Variants in ABHD17B observed in about 807,000 individuals in gnomAD.
ABHD17B encodes alpha/beta hydrolase domain-containing protein 17B.
ABHD17B carries 9 observed loss-of-function variants against 26.2 expected under a neutral mutation model. The ratio of observed to expected loss-of-function variants is 0.34; its 90% CI spans 0.21 to 0.60. ABHD17B has a LOEUF of 0.60. Among genes scored for constraint, ABHD17B ranks in the 20% least tolerant of loss-of-function variants. The pLI is 0.80. For synonymous variants in ABHD17B, 127 were observed against 122.3 expected, an observed-to-expected ratio of 1.04 and a Z score of -0.25; for missense variants, 224 against 352.1, an observed-to-expected ratio of 0.64 and a Z score of 2.91.
chr9:71,894,404 G>C (rs1027780897), intron 1 of ABHD17B, among the ~76,000 whole-genome samples: 1 of 152,028 alleles, frequency 6.6e-6, no homozygotes, highest in East Asian at 1.9e-4. Flanking sequence ...GGAGTGCAGT[G>C]GCACCATTTG....
intron 1 of ABHD17B, among the ~76,000 whole-genome samples, chr9:71,900,787 C>T (rs1448127050): frequency 1.3e-5 from 2 of 152,060 alleles, no homozygotes; most frequent in African/African-American, 4.8e-5. Context: ...GCCTCTCTCA[C>T]TCACCATCTT....
downstream of ABHD17B, among the ~76,000 whole-genome samples, chr9:71,862,988 A>G (rs1290184574): frequency 3.9e-5 from 6 of 152,038 alleles, no homozygotes; most frequent in East Asian, 1.9e-4. Context: ...CACTACCTAT[A>G]TATTTATAGA....
intron 1 of ABHD17B, among the ~76,000 whole-genome samples, chr9:71,894,087 C>A (rs1826879424): frequency 1.9e-5 from 1 of 52,306 alleles, no homozygotes; most frequent in African/African-American, 8.6e-5. Context: ...GACTCTATCT[C>A]AAAAAAAAAA....
chr9:71,873,647 T>C (rs774879531), intron 2 of ABHD17B, among the ~76,000 whole-genome samples: 1 of 151,886 alleles, frequency 6.6e-6, no homozygotes, highest in Non-Finnish European at 1.5e-5. Context: ...CTACCTGCCT[T>C]AGCCTCCCAA....
chr9:71,898,883 G>C (rs569247942), intron 1 of ABHD17B, among the ~76,000 whole-genome samples: 1 of 152,276 alleles, frequency 6.6e-6, no homozygotes, highest in Non-Finnish European at 1.5e-5. Flanking sequence ...AGCACTTTGC[G>C]AGTCTGAGGT....
Position 71,866,026 on chromosome 9 carries a change from T to C in ABHD17B, c.*761A>G, listed in dbSNP as rs1472301696. 3.7e-5 allele frequency: 36 copies of C among 985,272 alleles called. No individual in the cohort carries two copies. The highest frequency in any genetic ancestry group is 4.2e-5 in the Non-Finnish European group (35 of 829,920). 61.0% of individuals were successfully genotyped at this position (985,272 alleles called of 1,614,324 possible). ...ATTTAAAACATCGTATACAAAATCA[T>C]TCTTGAAATCTCTAAATGCCTTTTA... is the stretch of plus-strand genomic sequence containing the variant. On this transcript the variant is annotated 3_prime_UTR_variant, in exon 4 of 4. Coordinates refer to ENST00000333421, the MANE Select transcript of ABHD17B (RefSeq NM_001025780.3).
In ABHD17B at chr9:71,865,582, T is replaced by G. The variant is rs551726810; in HGVS notation, c.*1205A>C. On this transcript the variant is annotated 3_prime_UTR_variant, in exon 4 of 4. Transcript: ENST00000333421. ...GTCCTATTTTTAAAAATAGCTAAAG[T>G]GGGCCAGGCGCAGTGGCTCATGCCT... The G allele has an allele frequency of 5.5e-5, 54 of 985,208 alleles. No homozygotes were observed. In the African/African-American group the frequency reaches 8.6e-4, roughly 16 times the overall value. 61.0% of individuals were successfully genotyped at this position (985,208 alleles called of 1,614,324 possible).
chr9:71,883,523 A>C (rs1826512373), intron 1 of ABHD17B, among the ~76,000 whole-genome samples: 1 of 152,230 alleles, frequency 6.6e-6, no homozygotes, highest in African/African-American at 2.4e-5. Flanking sequence ...ACATCATGGA[A>C]TACAGAAAGC....
At position 71,874,694 on chromosome 9, in the gene ABHD17B, T is replaced by C. The variant is rs762619866; in HGVS notation, c.387A>G (p.Gly129=). The C allele has an allele frequency of 4.3e-6, 7 of 1,614,058 alleles. No homozygotes were observed. The South Asian group carries it at 6.6e-5, about 15-fold the overall frequency. Residue 129 remains glycine, a synonymous_variant, in exon 2 of 4, where the codon GGA becomes GGG. Coordinates refer to ENST00000333421, the MANE Select transcript of ABHD17B (RefSeq NM_001025780.3). The stretch of plus-strand genomic sequence containing the variant: ...TGGGTTTCCCGGAACTGGCACCATA[T>C]CCAGAATAATCATATGAGAATATAT... ...NCNIFSYDYS[G]YGASSGKPTE...
At chr9:71,876,865 AG>A (rs920022167) in intron 1 of ABHD17B, among the ~76,000 whole-genome samples, 56 of 152,328 alleles carry the variant, frequency 3.7e-4, no homozygotes, top group African/African-American at 1.3e-3. Context: ...AGGTGAGGGA[AG>A]GGCAGAAAAA....
At chr9:71,891,312 G>A (rs535681471) in intron 1 of ABHD17B, among the ~76,000 whole-genome samples, 1 of 152,182 alleles carries the variant, frequency 6.6e-6, no homozygotes, top group African/African-American at 2.4e-5. Flanking sequence ...GTGTGTTATT[G>A]TTTGTCCATT....
intron 1 of ABHD17B, among the ~76,000 whole-genome samples, chr9:71,901,708 C>T (rs1050346645): frequency 2.0e-5 from 3 of 152,076 alleles, no homozygotes; most frequent in African/African-American, 7.2e-5. Flanking sequence ...CCCCATCCCC[C>T]TCTTCATTCC....
chr9:71,864,228 T>TTC (rs1825896758), downstream of ABHD17B, among the ~76,000 whole-genome samples: 1 of 136,704 alleles, frequency 7.3e-6, no homozygotes, highest in South Asian at 2.5e-4. Flanking sequence ...TTTTTTTTTT[T>TTC]TTTTTTTTTG....
intron 1 of ABHD17B, among the ~76,000 whole-genome samples, chr9:71,886,458 A>G (rs1362498521): frequency 6.6e-6 from 1 of 151,394 alleles, no homozygotes; most frequent in African/African-American, 2.4e-5. Context: ...CTCACTAACT[A>G]CAACTTGAAC....
intron 1 of ABHD17B, among the ~76,000 whole-genome samples, chr9:71,876,087 G>A (rs898774199): frequency 1.3e-5 from 2 of 152,158 alleles, no homozygotes; most frequent in Admixed American, 1.3e-4. Flanking sequence ...ATGTATGCAT[G>A]CATGTATGTA....
chr9:71,893,427 C>T (rs571494243), intron 1 of ABHD17B, among the ~76,000 whole-genome samples: 24 of 152,208 alleles, frequency 1.6e-4, no homozygotes, highest in Non-Finnish European at 2.5e-4. Flanking sequence ...TGTGTTAGAG[C>T]GACGCACAGA....
intron 1 of ABHD17B, among the ~76,000 whole-genome samples, chr9:71,894,975 CCTACA>C (rs1826912537): frequency 1.3e-5 from 2 of 152,188 alleles, no homozygotes; most frequent in Non-Finnish European, 2.9e-5. Flanking sequence ...TTCAAGTATA[CCTACA>C]CCTAGCAATG....
At chr9:71,891,927 C>T (rs979345425) in intron 1 of ABHD17B, among the ~76,000 whole-genome samples, 1 of 152,106 alleles carries the variant, frequency 6.6e-6, no homozygotes, top group African/African-American at 2.4e-5. Flanking sequence ...GAGATGCCAA[C>T]GAAGCCTTTG....
At position 71,866,462 on chromosome 9, in the gene ABHD17B, TG is replaced by T; in HGVS notation, c.*324del. On this transcript the variant is annotated 3_prime_UTR_variant, in exon 4 of 4. Transcript: ENST00000333421. ...GATGTTTTAAAAATATTTATAAATT[TG>T]TTTCTAGTATGCAAAAGCATTTGGC... 1 of 1,020,260 alleles carries T rather than the reference TG, an allele frequency of 9.8e-7. No individual in the cohort carries two copies. Among genetic ancestry groups the T allele is most frequent in the Non-Finnish European group, 1.2e-6 (1 of 845,172 alleles). The allele number at this position is 1,020,260 out of a possible 1,614,324, so 63.2% of individuals were successfully genotyped here.
Sources: gnomAD v4.1 joint callset for allele counts (sites outside exome capture counted in the v4.1 genomes callset) on GRCh38, gnomAD v4.1.1 for gene constraint, MANE v1.5 for transcripts, NCBI Gene and HGNC (gene_info 2026-07-23, HGNC 2026-07-21) for gene names.